DOCK5: variants seen among roughly 807,000 people sequenced by gnomAD.
DOCK5 encodes dedicator of cytokinesis protein 5.
DOCK5 carries 142 observed loss-of-function variants against 251.8 expected under a neutral mutation model. The observed-to-expected ratio is 0.56, with a 90% CI of 0.49 to 0.65. The LOEUF (loss-of-function observed/expected upper bound fraction) is 0.65. Among genes scored for constraint, DOCK5 ranks in the 30% least tolerant of loss-of-function variants. DOCK5 has a pLI of 0.00. For synonymous variants in DOCK5, 842 were observed against 835.5 expected (o/e 1.01, Z -0.13); for missense variants, 2,111 against 2,312.3 (o/e 0.91, Z 1.79).
rs1214067804 is a variant in DOCK5, at chr8:25,395,631, AC to A, written c.4618del (p.Arg1540GlyfsTer50). On this transcript the variant is annotated frameshift_variant, in exon 45 of 52. Coordinates refer to ENST00000276440, the MANE Select transcript of DOCK5 (RefSeq NM_024940.8). LOFTEE classifies it high-confidence loss of function. ...ISNCVQQHAW[D>X]RSLSVHPLSM... ...AACTGTGTTCAGCAGCATGCCTGGG[AC>A]CGGTCCCTCTCTGTGCACCCTCTCT... is the stretch of plus-strand genomic sequence containing the variant. The A allele has an allele frequency of 6.2e-7, 1 of 1,613,274 alleles. No individual in the cohort carries two copies. Among genetic ancestry groups the A allele is most frequent in the African/African-American group, 1.3e-5 (1 of 74,680 alleles).
intron 1 of DOCK5, among the ~76,000 whole-genome samples, chr8:25,189,011 A>G (rs1246286012): frequency 1.3e-5 from 2 of 150,436 alleles, no homozygotes; most frequent in East Asian, 2.0e-4. Context: ...GATTCTTTGC[A>G]AAGCTTTTTT....
chr8:25,286,646 ATTG>A (rs1296842435), intron 5 of DOCK5, among the ~76,000 whole-genome samples: 1 of 151,762 alleles, frequency 6.6e-6, no homozygotes, highest in Non-Finnish European at 1.5e-5. Context: ...TGTGGTCTGC[ATTG>A]TTTTTCTCTT....
intron 2 of DOCK5, among the ~76,000 whole-genome samples, chr8:25,248,429 G>A (rs1168658191): frequency 6.6e-6 from 1 of 152,076 alleles, no homozygotes; most frequent in African/African-American, 2.4e-5. Flanking sequence ...CTGCCGGGTG[G>A]AACTGAAGGG....
intron 2 of DOCK5, among the ~76,000 whole-genome samples, chr8:25,265,322 A>C (rs1358476279): frequency 6.6e-6 from 1 of 151,824 alleles, no homozygotes; most frequent in Admixed American, 6.6e-5. Context: ...CTACCTTCGT[A>C]TTGCCTCTCC....
chr8:25,412,078 C>CTTTTTTTTTTTTTTTTTTTT lies in DOCK5; in HGVS notation c.*784_*803dup, dbSNP rs56131241. 2 of 82,878 alleles carry CTTTTTTTTTTTTTTTTTTTT rather than the reference C, an allele frequency of 2.4e-5. No individual in the cohort carries two copies. The highest frequency in any genetic ancestry group is 1.8e-4 in the Admixed American group (1 of 5,460). The allele number at this position is 82,878 out of a possible 1,614,324, so 5.1% of individuals were successfully genotyped here. A position where few individuals can be genotyped will look rare whatever the true frequency, so the allele number is the denominator to read the frequency against. On this transcript the variant is annotated 3_prime_UTR_variant, in exon 52 of 52. Transcript: ENST00000276440. ...GAAGCTCTTCCTTTTGCACATACGGCTTTTTTTTTTTTTTTTTTTTTTTGT... is the reference window on the plus strand; with the variant it reads ...GAAGCTCTTCCTTTTGCACATACGGCTTTTTTTTTTTTTTTTTTTTTTTTTTTTTTTTTTTTTTTTTTTGT...
At chr8:25,392,135 G>A (rs567956876) in intron 43 of DOCK5, among the ~76,000 whole-genome samples, 155 bp downstream of exon 43, 1 of 152,052 alleles carries the variant, frequency 6.6e-6, no homozygotes, top group African/African-American at 2.4e-5. Context: ...AACCCCATCG[G>A]TACTAAAAAT....
chr8:25,385,248 T>C (rs1227789922), intron 40 of DOCK5, among the ~76,000 whole-genome samples: 14 of 152,174 alleles, frequency 9.2e-5, no homozygotes. Flanking sequence ...AAAGGTCATC[T>C]GGCTTTTGTC....
intron 40 of DOCK5, 68 bp from the exon 41 acceptor site, chr8:25,389,023 A>G: frequency 6.6e-7 from 1 of 1,509,718 alleles, no homozygotes; most frequent in African/African-American, 1.4e-5. Flanking sequence ...CTACCTCAGT[A>G]CCCGGAACTC....
At chr8:25,218,619 G>C (rs1357340030) in intron 1 of DOCK5, among the ~76,000 whole-genome samples, 2 of 152,198 alleles carry the variant, frequency 1.3e-5, no homozygotes, top group Admixed American at 1.3e-4. Context: ...TCAGCTGTAT[G>C]CTGGGGGCAA....
At chr8:25,384,455 ATTTATTTATTTTTTT>A (rs1488246386) in intron 40 of DOCK5, among the ~76,000 whole-genome samples, 1 of 45,212 alleles carries the variant, frequency 2.2e-5, no homozygotes, top group African/African-American at 7.6e-5. Flanking sequence ...TTATTTATTT[ATTTATTTATTTTTTT>A]TTTTTTTGAG....
chr8:25,368,810 A>G lies in DOCK5; in HGVS notation c.3438+85A>G. 7 of 1,349,688 alleles carry G rather than the reference A, an allele frequency of 5.2e-6. No individual in the cohort carries two copies. The South Asian group carries it at 9.7e-5, about 19-fold the overall frequency. The allele number at this position is 1,349,688 out of a possible 1,614,324, so 83.6% of individuals were successfully genotyped here. On this transcript the variant is annotated intron_variant, in intron 33 of 51. Transcript: ENST00000276440. ...TTTCTTTCTATATAGAGAAGCAGTA[A>G]CCTTAATAATGCAAGTCCATGTTGA...
At chr8:25,407,233 G>GA (rs1489144074) in intron 48 of DOCK5, among the ~76,000 whole-genome samples, 2 of 151,876 alleles carry the variant, frequency 1.3e-5, no homozygotes, top group Non-Finnish European at 2.9e-5. Flanking sequence ...CTAGATTCTA[G>GA]ATTACTTCTA....
chr8:25,303,890 G>C (rs1449887988), intron 10 of DOCK5, among the ~76,000 whole-genome samples: 1 of 152,166 alleles, frequency 6.6e-6, no homozygotes, highest in Non-Finnish European at 1.5e-5. Flanking sequence ...TGCTTGAACA[G>C]GGGAGGTGGA....
intron 11 of DOCK5, among the ~76,000 whole-genome samples, chr8:25,308,250 A>G (rs1175083558): frequency 6.6e-6 from 1 of 152,136 alleles, no homozygotes; most frequent in Non-Finnish European, 1.5e-5. Context: ...CTAGCTTGTC[A>G]TCACATGGAA....
intron 48 of DOCK5, 127 bp from the exon 49 acceptor site, chr8:25,407,856 C>G: frequency 2.0e-6 from 2 of 1,020,440 alleles, no homozygotes; most frequent in Non-Finnish European, 2.7e-6. Flanking sequence ...GGGAGAAAGA[C>G]CCTGTCTCAA....
intron 1 of DOCK5, among the ~76,000 whole-genome samples, chr8:25,242,058 C>T (rs1282451056): frequency 3.9e-5 from 6 of 151,926 alleles, no homozygotes; most frequent in African/African-American, 7.3e-5. Flanking sequence ...ATGTAGATGA[C>T]GGGTTGATGG....
At chr8:25,406,870 C>G (rs931280253) in intron 48 of DOCK5, among the ~76,000 whole-genome samples, 3 of 152,072 alleles carry the variant, frequency 2.0e-5, no homozygotes, top group African/African-American at 7.2e-5. Context: ...TCATGATCCG[C>G]CCACCTCGGC....
intron 1 of DOCK5, among the ~76,000 whole-genome samples, chr8:25,225,710 A>G (rs895919505): frequency 2.0e-5 from 3 of 152,024 alleles, no homozygotes; most frequent in African/African-American, 7.2e-5. Context: ...AGTCTCAAAA[A>G]AAAAAAAAAA....
intron 44 of DOCK5, among the ~76,000 whole-genome samples, chr8:25,394,703 G>C (rs1214525767): frequency 1.3e-5 from 2 of 152,042 alleles, no homozygotes; most frequent in Non-Finnish European, 2.9e-5. Context: ...CTTACTACAG[G>C]TCCAGTTCTT....
Sources: allele counts gnomAD v4.1 joint callset (sites outside exome capture counted in the v4.1 genomes callset), GRCh38; gene constraint gnomAD v4.1.1; transcripts MANE v1.5; gene names NCBI Gene and HGNC (gene_info 2026-07-23, HGNC 2026-07-21).